The following RYR2 variants were observed in gnomAD, a reference collection of about 807,000 sequenced individuals.
The protein encoded by RYR2 is ryanodine receptor 2.
In RYR2, 227 loss-of-function variants were observed where a neutral mutation model predicts 601.1. The observed-to-expected ratio is 0.38, with a 90% CI of 0.34 to 0.42. RYR2 has a LOEUF of 0.42. RYR2 is among the 10% of genes least tolerant of loss of function. The pLI, the probability that RYR2 is intolerant of heterozygous loss-of-function variation, is 1.00. For missense variants in RYR2, 4,646 were observed against 6,156.5 expected, an observed-to-expected ratio of 0.75 and a Z score of 8.21; for synonymous variants, 2,223 against 2,175.1, an observed-to-expected ratio of 1.02 and a Z score of -0.61.
chr1:237,280,749 C>T (rs1572456866), intron 2 of RYR2, among the ~76,000 whole-genome samples: 1 of 150,308 alleles, frequency 6.7e-6, no homozygotes, highest in Non-Finnish European at 1.5e-5. Context: ...AATTGTGATT[C>T]ATAAGTTATG....
intron 1 of RYR2, among the ~76,000 whole-genome samples, chr1:237,202,753 G>C (rs1229785728): frequency 6.6e-6 from 1 of 152,040 alleles, no homozygotes; most frequent in African/African-American, 2.4e-5. Flanking sequence ...AACAGTTTTC[G>C]TTCCAGCATT....
chr1:237,581,301 T>A (rs1420232979), intron 29 of RYR2, among the ~76,000 whole-genome samples: 1 of 152,186 alleles, frequency 6.6e-6, no homozygotes, highest in Non-Finnish European at 1.5e-5. Flanking sequence ...CAGAGGCCCA[T>A]GATGGTTATA....
At chr1:237,085,703 G>T (rs1214547604) in intron 1 of RYR2, among the ~76,000 whole-genome samples, 1 of 152,174 alleles carries the variant, frequency 6.6e-6, no homozygotes, top group Non-Finnish European at 1.5e-5. Context: ...ACTTGAGGGG[G>T]AGAAGAGAGC....
At chr1:237,699,691 A>G (rs1211513102) in intron 64 of RYR2, among the ~76,000 whole-genome samples, 1 of 152,260 alleles carries the variant, frequency 6.6e-6, no homozygotes, top group Non-Finnish European at 1.5e-5. Context: ...TTTGTATGAT[A>G]AATGCAGAAA....
intron 12 of RYR2, among the ~76,000 whole-genome samples, chr1:237,426,432 G>T (rs1235298124): frequency 6.6e-6 from 1 of 152,106 alleles, no homozygotes; most frequent in South Asian, 2.1e-4. Flanking sequence ...CCCATTATGG[G>T]GACATGGGCT....
At chr1:237,259,246 A>G (rs1216813874) in intron 1 of RYR2, among the ~76,000 whole-genome samples, 2 of 152,134 alleles carry the variant, frequency 1.3e-5, no homozygotes, top group Middle Eastern at 3.4e-3. Flanking sequence ...GGTAGCTCAC[A>G]CCTGTAATCC....
At chr1:237,387,207 G>T in intron 8 of RYR2, 74 bp from the exon 9 acceptor site, 1 of 1,305,828 alleles carries the variant, frequency 7.7e-7, no homozygotes, top group Non-Finnish European at 1.1e-6. Flanking sequence ...CGTTAAGTTT[G>T]CATTCCTAGA....
rs59327914 is a variant in RYR2, at chr1:237,349,129, T to G, written c.274-6836T>G. Among the ~76,000 whole-genome samples, 547 of 152,260 alleles carry G rather than the reference T, an allele frequency of 3.6e-3. 8 individuals carry two copies. Among genetic ancestry groups the G allele is most frequent in the African/African-American group, 0.013 (529 of 41,564 alleles). On this transcript the variant is annotated intron_variant, in intron 3 of 104. Transcript: ENST00000366574. ...AGATTACTGTCAATCCTAAGGAATA[T>G]TAATACTTATAAAACCACACTGGGT...
At chr1:237,358,581 C>T (rs995467254) in intron 4 of RYR2, among the ~76,000 whole-genome samples, 5 of 151,916 alleles carry the variant, frequency 3.3e-5, no homozygotes, top group East Asian at 3.9e-4. Flanking sequence ...CAGACAAATG[C>T]GTGTCCACTA....
At chr1:237,753,431 C>G (rs1197351992) in intron 80 of RYR2, among the ~76,000 whole-genome samples, 5 of 152,138 alleles carry the variant, frequency 3.3e-5, no homozygotes, top group Non-Finnish European at 7.4e-5. Flanking sequence ...AATGTTATTA[C>G]AAACTTCAGT....
intron 26 of RYR2, among the ~76,000 whole-genome samples, chr1:237,549,620 A>G (rs1193925141): frequency 6.4e-5 from 9 of 139,674 alleles, no homozygotes; most frequent in Non-Finnish European, 1.4e-4. Flanking sequence ...GTGTGATTCC[A>G]TAGCTTTCTT....
intron 1 of RYR2, among the ~76,000 whole-genome samples, chr1:237,162,485 C>A (rs1177131593): frequency 6.6e-6 from 1 of 151,894 alleles, no homozygotes; most frequent in East Asian, 1.9e-4. Flanking sequence ...CATTTCCTAT[C>A]AATATTACTC....
At chr1:237,259,982 A>G (rs1688363746) in intron 1 of RYR2, among the ~76,000 whole-genome samples, 1 of 152,208 alleles carries the variant, frequency 6.6e-6, no homozygotes, top group Admixed American at 6.5e-5. Context: ...CACTTCTTTT[A>G]GAGTCTGTGG....
At chr1:237,298,005 C>G (rs1331117967) in intron 2 of RYR2, among the ~76,000 whole-genome samples, 4 of 149,496 alleles carry the variant, frequency 2.7e-5, no homozygotes, top group African/African-American at 9.8e-5. Context: ...AGCAATCAGG[C>G]CACCTCCCCT....
intron 2 of RYR2, among the ~76,000 whole-genome samples, chr1:237,273,956 C>T (rs376546521): frequency 4.4e-4 from 63 of 143,746 alleles, no homozygotes; most frequent in South Asian, 2.4e-3. Context: ...TATTATATAA[C>T]GCATATATTA....
At chr1:237,170,977 G>T (rs1331366490) in intron 1 of RYR2, among the ~76,000 whole-genome samples, 1 of 152,034 alleles carries the variant, frequency 6.6e-6, no homozygotes, top group Admixed American at 6.6e-5. Context: ...GGAGGATGAG[G>T]CCAGCTGGGT....
intron 21 of RYR2, among the ~76,000 whole-genome samples, chr1:237,501,890 C>T (rs1265237334): frequency 6.6e-6 from 1 of 152,172 alleles, no homozygotes; most frequent in East Asian, 1.9e-4. Flanking sequence ...CCTGTAATCC[C>T]AGCACTTTGG....
intron 98 of RYR2, among the ~76,000 whole-genome samples, chr1:237,805,693 A>C (rs10802633): frequency 0.81 from 122,189 of 150,910 alleles, 49,946 homozygotes; most frequent in African/African-American, 0.89. Flanking sequence ...TAATTGACAT[A>C]TTCATGGGGT....
chr1:237,318,113 T>C (rs1695285410), intron 2 of RYR2, among the ~76,000 whole-genome samples: 1 of 152,136 alleles, frequency 6.6e-6, no homozygotes, highest in Non-Finnish European at 1.5e-5. Flanking sequence ...TGAGTTATGC[T>C]CTTAATTCTT....
Sources: allele counts gnomAD v4.1 joint callset (sites outside exome capture counted in the v4.1 genomes callset), GRCh38; gene constraint gnomAD v4.1.1; transcripts MANE v1.5; gene names NCBI Gene and HGNC (gene_info 2026-07-23, HGNC 2026-07-21).